MNAT1: variants seen among roughly 807,000 people sequenced by gnomAD.
MNAT1 encodes CDK-activating kinase assembly factor MAT1.
A neutral mutation model predicts 42.0 loss-of-function variants in MNAT1; 43 were observed. That is an observed-to-expected ratio of 1.02 (90% CI 0.80 to 1.32). The LOEUF (loss-of-function observed/expected upper bound fraction) is 1.32. Among genes scored for constraint, MNAT1 ranks in the 40% most tolerant of loss-of-function variants. The probability of loss-of-function intolerance (pLI) is 0.00; values close to 1 mark genes in which losing one functional copy is unlikely to be tolerated. For missense variants in MNAT1, 306 were observed against 350.4 expected (o/e 0.87, Z 1.01); for synonymous variants, 118 against 120.0 (o/e 0.98, Z 0.11).
intron 1 of MNAT1, among the ~76,000 whole-genome samples, chr14:60,784,156 A>ATAC (rs2031560948): frequency 7.4e-6 from 1 of 135,858 alleles, no homozygotes; most frequent in Admixed American, 7.6e-5. Context: ...GGGATTACAG[A>ATAC]TACGTGCCAC....
chr14:60,948,787 A>G lies in MNAT1; in HGVS notation c.810-19442A>G, dbSNP rs537659758. On this transcript the variant is annotated intron_variant, in intron 7 of 7. Coordinates refer to ENST00000261245, the MANE Select transcript of MNAT1 (RefSeq NM_002431.4). Reference sequence around the variant, plus strand: ...AGTGTTCAAGATATGTTAATTGAATAGTTGAATTCTTTTCAAGAAAATTAA... The same window carrying G: ...AGTGTTCAAGATATGTTAATTGAATGGTTGAATTCTTTTCAAGAAAATTAA... 4.6e-5 allele frequency among the ~76,000 whole-genome samples: 7 copies of G among 152,342 alleles called. No individual in the cohort carries two copies. The South Asian group carries it at 1.5e-3, about 32-fold the overall frequency.
intron 6 of MNAT1, among the ~76,000 whole-genome samples, chr14:60,858,815 T>G (rs376133579): frequency 7.9e-5 from 12 of 152,366 alleles, no homozygotes; most frequent in Admixed American, 5.2e-4. Flanking sequence ...TAACATTTTT[T>G]AGTAATAATG....
intron 1 of MNAT1, among the ~76,000 whole-genome samples, chr14:60,744,188 G>A (rs1250620705): frequency 6.6e-6 from 1 of 151,898 alleles, no homozygotes; most frequent in Non-Finnish European, 1.5e-5. Flanking sequence ...CTGGAGTGCA[G>A]TGGCATGATC....
intron 7 of MNAT1, among the ~76,000 whole-genome samples, chr14:60,917,907 C>A (rs535077643): frequency 1.3e-5 from 2 of 152,158 alleles, no homozygotes; most frequent in African/African-American, 4.8e-5. Flanking sequence ...GGATTATAGG[C>A]GTGAGACACC....
chr14:60,824,179 A>G (rs1184530272), intron 6 of MNAT1, among the ~76,000 whole-genome samples: 1 of 152,116 alleles, frequency 6.6e-6, no homozygotes, highest in African/African-American at 2.4e-5. Flanking sequence ...ATAAATCACC[A>G]TTCTTATGAG....
At chr14:60,765,120 G>A (rs910480258) in intron 1 of MNAT1, among the ~76,000 whole-genome samples, 28 of 152,186 alleles carry the variant, frequency 1.8e-4, no homozygotes, top group Non-Finnish European at 3.7e-4. Context: ...GGCTTGCGGC[G>A]CATGCCTGTA....
In MNAT1 at chr14:60,799,414, A is replaced by G. The variant is rs559733900; in HGVS notation, c.316+1254A>G. On this transcript the variant is annotated intron_variant, in intron 3 of 7. Coordinates refer to ENST00000261245, the MANE Select transcript of MNAT1 (RefSeq NM_002431.4). ...AAGGTATGTAGAAATCTGGCTCTAT[A>G]TAGATACTAAGTATAGGACAAGCTG... The G allele has an allele frequency of 1.7e-5, 17 of 984,800 alleles. 1 individual carries two copies. The South Asian group carries it at 5.6e-4, about 33-fold the overall frequency. 61.0% of individuals were successfully genotyped at this position (984,800 alleles called of 1,614,324 possible).
chr14:60,869,954 G>T (rs1594818054), intron 6 of MNAT1, among the ~76,000 whole-genome samples: 1 of 152,096 alleles, frequency 6.6e-6, no homozygotes, highest in Non-Finnish European at 1.5e-5. Flanking sequence ...GATAATATTT[G>T]TAGTGTATAG....
At position 60,799,142 on chromosome 14, in the gene MNAT1, C is replaced by A. The variant is rs576562248; in HGVS notation, c.316+982C>A. The A allele has an allele frequency of 5.1e-6, 3 of 589,830 alleles. No individual in the cohort carries two copies. The South Asian group carries it at 2.3e-4, about 44-fold the overall frequency. The allele number at this position is 589,830 out of a possible 1,614,324, so 36.5% of individuals were successfully genotyped here. ...CATATGTCTAAGTTCATTTGTTATGCCATAGCAAAAGCATGTGGAAAACAT... is the reference window on the plus strand; with the variant it reads ...CATATGTCTAAGTTCATTTGTTATGACATAGCAAAAGCATGTGGAAAACAT... On this transcript the variant is annotated intron_variant, in intron 3 of 7. Coordinates refer to ENST00000261245, the MANE Select transcript of MNAT1 (RefSeq NM_002431.4).
intron 5 of MNAT1, among the ~76,000 whole-genome samples, chr14:60,813,344 G>A (rs72722266): frequency 0.027 from 4,058 of 152,294 alleles, 72 homozygotes; most frequent in Non-Finnish European, 0.042. Flanking sequence ...CCCACATAGA[G>A]TTGAGTGCAG....
chr14:60,924,793 A>C (rs1041393460), intron 7 of MNAT1, among the ~76,000 whole-genome samples: 1 of 152,226 alleles, frequency 6.6e-6, no homozygotes, highest in Non-Finnish European at 1.5e-5. Flanking sequence ...ACTTGGAAAC[A>C]TATTAAAAGT....
intron 7 of MNAT1, among the ~76,000 whole-genome samples, chr14:60,909,780 T>C (rs1466589424): frequency 2.6e-5 from 4 of 152,202 alleles, no homozygotes; most frequent in African/African-American, 9.7e-5. Flanking sequence ...TTTGTTCTTT[T>C]GGCTTAGGAT....
At chr14:60,894,913 C>T (rs1455214901) in intron 7 of MNAT1, among the ~76,000 whole-genome samples, 1 of 152,144 alleles carries the variant, frequency 6.6e-6, no homozygotes, top group African/African-American at 2.4e-5. Context: ...TTCTTTTAGC[C>T]ATCTGTGGCT....
intron 7 of MNAT1, among the ~76,000 whole-genome samples, chr14:60,931,782 A>G (rs1594885794): frequency 6.6e-6 from 1 of 152,216 alleles, no homozygotes; most frequent in South Asian, 2.1e-4. Flanking sequence ...GTATATATCT[A>G]TAACCTTTGA....
intron 6 of MNAT1, among the ~76,000 whole-genome samples, chr14:60,829,794 T>C (rs1477740527): frequency 1.3e-5 from 2 of 152,222 alleles, no homozygotes; most frequent in Non-Finnish European, 2.9e-5. Flanking sequence ...CTGCTTAATT[T>C]ATGAAACAAA....
At chr14:60,818,972 T>G in intron 6 of MNAT1, 125 bp downstream of exon 6, 1 of 1,097,710 alleles carries the variant, frequency 9.1e-7, no homozygotes, top group South Asian at 2.0e-5. Flanking sequence ...GATCTAGTTT[T>G]AGGTGTCTGG....
At chr14:60,784,738 C>G (rs971525800) in intron 1 of MNAT1, among the ~76,000 whole-genome samples, 2 of 152,120 alleles carry the variant, frequency 1.3e-5, no homozygotes, top group African/African-American at 4.8e-5. Flanking sequence ...GCTGGGATTA[C>G]AGGCATGAGC....
intron 1 of MNAT1, 95 bp downstream of exon 1, chr14:60,735,046 C>A: frequency 8.3e-7 from 1 of 1,200,358 alleles, no homozygotes; most frequent in Non-Finnish European, 1.2e-6. Flanking sequence ...GAGCAAAGGG[C>A]GTTGTTAGTT....
At chr14:60,771,895 C>T (rs926844685) in intron 1 of MNAT1, among the ~76,000 whole-genome samples, 7 of 152,110 alleles carry the variant, frequency 4.6e-5, no homozygotes, top group African/African-American at 1.7e-4. Flanking sequence ...AAAAAGTGTC[C>T]ATTTTCTATG....
Sources: gnomAD v4.1 joint callset for allele counts (sites outside exome capture counted in the v4.1 genomes callset) on GRCh38, gnomAD v4.1.1 for gene constraint, MANE v1.5 for transcripts, NCBI Gene and HGNC (gene_info 2026-07-23, HGNC 2026-07-21) for gene names.